The following SLC25A21 variants were observed in gnomAD, a reference collection of about 807,000 sequenced individuals.
SLC25A21 encodes mitochondrial 2-oxodicarboxylate carrier.
A neutral mutation model predicts 43.8 loss-of-function variants in SLC25A21; 47 were observed. The observed-to-expected ratio is 1.07, with a 90% CI of 0.85 to 1.37. The LOEUF is 1.37. Ranked by LOEUF, SLC25A21 falls within the 40% of genes most tolerant of loss-of-function variation. The pLI, the probability that SLC25A21 is intolerant of heterozygous loss-of-function variation, is 0.00. For synonymous variants in SLC25A21, 131 were observed against 121.3 expected, an observed-to-expected ratio of 1.08 and a Z score of -0.52; for missense variants, 352 against 350.2, an observed-to-expected ratio of 1.00 and a Z score of -0.04.
chr14:36,679,747 G>A lies in SLC25A21; in HGVS notation c.*911C>T. 1 of 985,382 alleles carries A rather than the reference G, an allele frequency of 1.0e-6. No individual in the cohort carries two copies. The highest frequency in any genetic ancestry group is 1.2e-6 in the Non-Finnish European group (1 of 829,914). The allele number at this position is 985,382 out of a possible 1,614,324, so 61.0% of individuals were successfully genotyped here. A position where few individuals can be genotyped will look rare whatever the true frequency, so the allele number is the denominator to read the frequency against. On this transcript the variant is annotated 3_prime_UTR_variant, in exon 10 of 10. Coordinates refer to ENST00000331299, the MANE Select transcript of SLC25A21 (RefSeq NM_030631.4). ...TTCTTCCTAAAAATGGCACAGGTAG[G>A]CATGCTGAATAAAGGTATTTGGATG...
chr14:36,973,126 T>C (rs776462459), intron 1 of SLC25A21, among the ~76,000 whole-genome samples: 9 of 152,030 alleles, frequency 5.9e-5, no homozygotes, highest in Non-Finnish European at 1.3e-4. Context: ...AGAGTCAAAT[T>C]TATTCAGTAG....
intron 7 of SLC25A21, among the ~76,000 whole-genome samples, chr14:36,703,138 G>A (rs1883353829): frequency 6.6e-6 from 1 of 152,192 alleles, no homozygotes; most frequent in Non-Finnish European, 1.5e-5. Context: ...TAATGATGGA[G>A]TAAGAGAGAA....
intron 1 of SLC25A21, among the ~76,000 whole-genome samples, chr14:36,880,730 A>G (rs1890693938): frequency 6.6e-6 from 1 of 152,236 alleles, no homozygotes; most frequent in African/African-American, 2.4e-5. Flanking sequence ...GCAGATAAGG[A>G]CAGAGAAACA....
At chr14:36,968,933 G>C (rs1959683870) in intron 1 of SLC25A21, among the ~76,000 whole-genome samples, 1 of 152,160 alleles carries the variant, frequency 6.6e-6, no homozygotes, top group African/African-American at 2.4e-5. Flanking sequence ...AGATAATGCA[G>C]CCAAGGGGTC....
At chr14:37,013,763 T>C (rs1301732595) in intron 1 of SLC25A21, among the ~76,000 whole-genome samples, 2 of 152,098 alleles carry the variant, frequency 1.3e-5, no homozygotes, top group African/African-American at 4.8e-5. Context: ...TACTGCCTTC[T>C]TTCCTTCTTT....
chr14:37,003,371 T>C (rs988696703), intron 1 of SLC25A21, among the ~76,000 whole-genome samples: 15 of 152,204 alleles, frequency 9.9e-5, no homozygotes, highest in African/African-American at 3.6e-4. Flanking sequence ...TTAAAACTTA[T>C]GAATTGTTTA....
At chr14:37,122,744 T>A (rs1349692247) in intron 1 of SLC25A21, among the ~76,000 whole-genome samples, 1 of 152,198 alleles carries the variant, frequency 6.6e-6, no homozygotes, top group East Asian at 1.9e-4. Flanking sequence ...AGGAGCTGTA[T>A]CCTCCTTCCC....
At chr14:36,922,267 G>A (rs773422681) in intron 1 of SLC25A21, among the ~76,000 whole-genome samples, 6 of 152,032 alleles carry the variant, frequency 3.9e-5, no homozygotes, top group Non-Finnish European at 7.4e-5. Flanking sequence ...AAAATATGGA[G>A]CAACTATTTT....
chr14:37,090,291 T>A (rs1962560595), intron 1 of SLC25A21, among the ~76,000 whole-genome samples: 1 of 152,220 alleles, frequency 6.6e-6, no homozygotes, highest in Non-Finnish European at 1.5e-5. Context: ...TCAGCATACT[T>A]GCTGCTGGCA....
At chr14:36,821,354 T>G (rs1183152572) in intron 2 of SLC25A21, among the ~76,000 whole-genome samples, 4 of 152,156 alleles carry the variant, frequency 2.6e-5, no homozygotes, top group African/African-American at 9.7e-5. Context: ...TGAAGATAGT[T>G]TTTTTTAGCA....
At position 36,884,820 on chromosome 14, in the gene SLC25A21, G is replaced by C. The variant is rs1474762253; in HGVS notation, c.71-9816C>G. On this transcript the variant is annotated intron_variant, in intron 1 of 9. Transcript: ENST00000331299. The stretch of plus-strand genomic sequence containing the variant: ...CAAGTCCCTTGCTCATTTTTAATGG[G>C]GTATCTGTTTTCTTCCTATTATTTG... Among the ~76,000 whole-genome samples, 3 of 151,866 alleles carry C rather than the reference G, an allele frequency of 2.0e-5. No homozygotes were observed. In the East Asian group the frequency reaches 5.8e-4, roughly 29 times the overall value.
chr14:36,938,502 G>C (rs548093120), intron 1 of SLC25A21, among the ~76,000 whole-genome samples: 5 of 152,014 alleles, frequency 3.3e-5, no homozygotes, highest in African/African-American at 9.7e-5. Context: ...TCTGTGTTAC[G>C]GCCTTCTAAG....
intron 1 of SLC25A21, among the ~76,000 whole-genome samples, chr14:37,128,577 T>TGTGTGTGCGC (rs1024661078): frequency 6.7e-6 from 1 of 149,166 alleles, no homozygotes; most frequent in African/African-American, 2.5e-5. Flanking sequence ...TGTGTGTGTG[T>TGTGTGTGCGC]GCATTTTGCT....
chr14:37,100,781 C>T (rs1196334664), intron 1 of SLC25A21, among the ~76,000 whole-genome samples: 16 of 152,162 alleles, frequency 1.1e-4, no homozygotes, highest in Admixed American at 9.8e-4. Flanking sequence ...AGTCCACCTG[C>T]CTGGGCAATT....
intron 2 of SLC25A21, among the ~76,000 whole-genome samples, chr14:36,820,064 G>T (rs948289812): frequency 6.6e-6 from 1 of 152,142 alleles, no homozygotes; most frequent in East Asian, 1.9e-4. Flanking sequence ...AGAGGGAACT[G>T]ATGGAGACTG....
chr14:37,138,507 T>C (rs556658053), intron 1 of SLC25A21, among the ~76,000 whole-genome samples: 5 of 152,296 alleles, frequency 3.3e-5, no homozygotes, highest in Admixed American at 2.0e-4. Flanking sequence ...TTTTAGTATA[T>C]AGCATTCTTG....
At chr14:36,969,355 G>A (rs1177638919) in intron 1 of SLC25A21, among the ~76,000 whole-genome samples, 3 of 152,108 alleles carry the variant, frequency 2.0e-5, no homozygotes, top group Non-Finnish European at 4.4e-5. Context: ...GAAGACCTTC[G>A]TGAAAGAGGG....
At chr14:36,769,445 A>G (rs1685467457) in intron 3 of SLC25A21, among the ~76,000 whole-genome samples, 1 of 152,218 alleles carries the variant, frequency 6.6e-6, no homozygotes, top group South Asian at 2.1e-4. Context: ...AGAATTTAGA[A>G]AATTTTAATG....
chr14:37,047,973 GGAA>G (rs1433014214), intron 1 of SLC25A21, among the ~76,000 whole-genome samples: 1 of 152,078 alleles, frequency 6.6e-6, no homozygotes, highest in Non-Finnish European at 1.5e-5. Flanking sequence ...TATATTTTTA[GGAA>G]GAAAAGCAAA....
Sources: allele counts gnomAD v4.1 joint callset (sites outside exome capture counted in the v4.1 genomes callset), GRCh38; gene constraint gnomAD v4.1.1; transcripts MANE v1.5; gene names NCBI Gene and HGNC (gene_info 2026-07-23, HGNC 2026-07-21).